The following NCKAP5 variants were observed in gnomAD, a reference collection of about 807,000 sequenced individuals.
The protein encoded by NCKAP5 is nck-associated protein 5.
NCKAP5 carries 92 observed loss-of-function variants against 167.0 expected under a neutral mutation model. The ratio of observed to expected loss-of-function variants is 0.55; its 90% CI spans 0.47 to 0.66. NCKAP5 has a LOEUF of 0.66. Ranked by LOEUF, NCKAP5 falls within the 30% of genes least tolerant of loss-of-function variation. The probability of loss-of-function intolerance (pLI) is 0.00; values close to 1 mark genes in which losing one functional copy is unlikely to be tolerated. For synonymous variants in NCKAP5, 891 were observed against 877.4 expected, an observed-to-expected ratio of 1.02 and a Z score of -0.27; for missense variants, 2,378 against 2,315.0, an observed-to-expected ratio of 1.03 and a Z score of -0.56.
chr2:133,242,486 G>C (rs1374508346), intron 4 of NCKAP5, among the ~76,000 whole-genome samples: 1 of 152,174 alleles, frequency 6.6e-6, no homozygotes, highest in Non-Finnish European at 1.5e-5. Flanking sequence ...TATTGGTCTT[G>C]AAGCTACATT....
intron 3 of NCKAP5, among the ~76,000 whole-genome samples, chr2:133,470,587 A>G (rs1679141053): frequency 6.6e-6 from 1 of 152,202 alleles, no homozygotes; most frequent in African/African-American, 2.4e-5. Flanking sequence ...AGGCTGGGCA[A>G]TGGCGGGTGC....
chr2:132,996,834 G>A (rs2077616854), intron 6 of NCKAP5, among the ~76,000 whole-genome samples: 2 of 152,198 alleles, frequency 1.3e-5, no homozygotes, highest in Admixed American at 6.5e-5. Flanking sequence ...ACTGTGTCTG[G>A]ATGACCTTGT....
In NCKAP5 at chr2:133,129,367, T is replaced by C. The variant is rs566865953; in HGVS notation, c.341+611A>G. Among the ~76,000 whole-genome samples, 56 of 152,238 alleles carry C rather than the reference T, an allele frequency of 3.7e-4. 2 individuals carry two copies. In the South Asian group the frequency reaches 0.011, roughly 30 times the overall value. On this transcript the variant is annotated intron_variant, in intron 6 of 19. Coordinates refer to ENST00000409261, the MANE Select transcript of NCKAP5 (RefSeq NM_207363.3). The stretch of plus-strand genomic sequence containing the variant: ...GGTATTTGGTTTTTTGTCCTTGTGA[T>C]AGTTTGCTGAGAATGATGGTTTCCA...
At chr2:133,572,376 C>A (rs192028719), upstream of NCKAP5, among the ~76,000 whole-genome samples, 14 of 152,322 alleles carry the variant, frequency 9.2e-5, 1 homozygote, top group Admixed American at 9.2e-4. Flanking sequence ...TTATGTAACC[C>A]AGCCCCTCTG....
At chr2:132,996,719 A>G (rs2077613246) in intron 6 of NCKAP5, among the ~76,000 whole-genome samples, 1 of 152,256 alleles carries the variant, frequency 6.6e-6, no homozygotes, top group African/African-American at 2.4e-5. Context: ...TCAACTGTAG[A>G]TAAAATACAT....
rs148432505 is a variant in NCKAP5 at position 132,923,553 on chromosome 2, A to G, written c.579+40167T>C. Among the ~76,000 whole-genome samples, 459 of 152,364 alleles carry G rather than the reference A, an allele frequency of 3.0e-3. 4 individuals carry two copies. Among genetic ancestry groups the G allele is most frequent in the African/African-American group, 0.011 (442 of 41,590 alleles). ...ATGGTACAGTTCTGCAGAAGAACAA[A>G]CTAGAAATGTTTTCTTTCCTTCTAA... On this transcript the variant is annotated intron_variant, in intron 8 of 19. Transcript: ENST00000409261.
intron 2 of NCKAP5, among the ~76,000 whole-genome samples, chr2:133,534,955 G>A (rs76023293): frequency 0.085 from 12,940 of 152,158 alleles, 902 homozygotes; most frequent in African/African-American, 0.19. Flanking sequence ...CAGTGTGTGA[G>A]GATTCCAACT....
chr2:132,990,821 C>A (rs1387990065), intron 7 of NCKAP5, among the ~76,000 whole-genome samples: 1 of 152,138 alleles, frequency 6.6e-6, no homozygotes, highest in Non-Finnish European at 1.5e-5. Context: ...TTTTGACTTT[C>A]AGAATTATAA....
chr2:132,690,442 A>G (rs191887287), intron 19 of NCKAP5, among the ~76,000 whole-genome samples: 2 of 152,280 alleles, frequency 1.3e-5, no homozygotes, highest in East Asian at 1.9e-4. Flanking sequence ...TACAGTTCAC[A>G]TGTGTTTCAA....
At chr2:133,349,398 CCTT>C (rs1195295751) in intron 3 of NCKAP5, among the ~76,000 whole-genome samples, 10 of 152,224 alleles carry the variant, frequency 6.6e-5, no homozygotes, top group African/African-American at 1.4e-4. Flanking sequence ...CTCAGCCTCT[CCTT>C]CTCCCACTTG....
chr2:132,848,641 T>C (rs1435130847), intron 11 of NCKAP5, among the ~76,000 whole-genome samples: 2 of 152,136 alleles, frequency 1.3e-5, no homozygotes, highest in African/African-American at 4.8e-5. Context: ...TAGTTAGCTA[T>C]TTGGGAGGGA....
chr2:132,808,528 G>A (rs1055422637), intron 11 of NCKAP5, among the ~76,000 whole-genome samples: 3 of 151,968 alleles, frequency 2.0e-5, no homozygotes, highest in African/African-American at 7.2e-5. Flanking sequence ...TCTCTTCTAG[G>A]TTTTCTAGTT....
chr2:133,213,817 C>T (rs1312752757), intron 4 of NCKAP5, 38 bp from the exon 5 acceptor site: 2 of 1,606,516 alleles, frequency 1.2e-6, no homozygotes, highest in African/African-American at 1.3e-5. Context: ...TGACCATTCT[C>T]AGGGTAGAGG....
intron 16 of NCKAP5, among the ~76,000 whole-genome samples, chr2:132,755,706 G>A (rs1680481895): frequency 6.6e-6 from 1 of 151,792 alleles, no homozygotes; most frequent in Non-Finnish European, 1.5e-5. Context: ...GCGCGCGCCT[G>A]TAATCCCAGC....
At chr2:133,136,829 T>G (rs1032902026) in intron 5 of NCKAP5, among the ~76,000 whole-genome samples, 13 of 152,166 alleles carry the variant, frequency 8.5e-5, no homozygotes, top group African/African-American at 3.1e-4. Context: ...ACGTGCCCAG[T>G]CACAGGTATC....
intron 8 of NCKAP5, among the ~76,000 whole-genome samples, chr2:132,883,205 TACACACAC>T (rs3044408): frequency 1.7e-3 from 233 of 139,752 alleles, no homozygotes; most frequent in African/African-American, 5.5e-3. Context: ...CTGACTCAAA[TACACACAC>T]ACACACACAC....
At chr2:133,526,658 T>G (rs1469754214) in intron 2 of NCKAP5, among the ~76,000 whole-genome samples, 13 of 152,156 alleles carry the variant, frequency 8.5e-5, no homozygotes, top group Non-Finnish European at 2.9e-5. Context: ...TCAAACCATC[T>G]GTTCCTTCTC....
At chr2:133,299,063 T>C (rs777384045) in intron 4 of NCKAP5, among the ~76,000 whole-genome samples, 15 of 151,950 alleles carry the variant, frequency 9.9e-5, no homozygotes, top group Admixed American at 5.2e-4. Flanking sequence ...AATAAATAAA[T>C]AAAAATTAAC....
chr2:133,548,356 C>T (rs1472269150), intron 2 of NCKAP5, among the ~76,000 whole-genome samples: 1 of 152,014 alleles, frequency 6.6e-6, no homozygotes, highest in Non-Finnish European at 1.5e-5. Flanking sequence ...GGCCAATGTT[C>T]AGATTCAGGA....
Sources: allele counts gnomAD v4.1 joint callset (sites outside exome capture counted in the v4.1 genomes callset), GRCh38; gene constraint gnomAD v4.1.1; transcripts MANE v1.5; gene names NCBI Gene and HGNC (gene_info 2026-07-23, HGNC 2026-07-21).